The following ZBBX variants were observed in gnomAD, a reference collection of about 807,000 sequenced individuals.
The protein encoded by ZBBX is zinc finger B-box domain-containing protein 1.
In ZBBX, 101 loss-of-function variants were observed where a neutral mutation model predicts 108.5. The observed-to-expected ratio is 0.93, with a 90% CI of 0.79 to 1.10. The LOEUF (loss-of-function observed/expected upper bound fraction) is 1.10. Among genes scored for constraint, ZBBX ranks in the 50% least tolerant of loss-of-function variants. The pLI is 0.00. For synonymous variants in ZBBX, 356 were observed against 323.4 expected (o/e 1.10, Z -1.08); for missense variants, 1,009 against 941.4 (o/e 1.07, Z -0.94).
intron 10 of ZBBX, among the ~76,000 whole-genome samples, chr3:167,332,458 T>G (rs995931013): frequency 6.6e-6 from 1 of 152,200 alleles, no homozygotes; most frequent in Admixed American, 6.5e-5. Flanking sequence ...ACAGCATGCA[T>G]AGTTACCTAT....
chr3:167,325,241 T>C (rs1231620210), intron 11 of ZBBX, among the ~76,000 whole-genome samples: 1 of 152,068 alleles, frequency 6.6e-6, no homozygotes, highest in African/African-American at 2.4e-5. Flanking sequence ...TACCCGAGAC[T>C]GGGTCATTTA....
chr3:167,280,220 A>T (rs2108516210), intron 20 of ZBBX, among the ~76,000 whole-genome samples: 1 of 152,236 alleles, frequency 6.6e-6, no homozygotes, highest in Middle Eastern at 3.4e-3. Flanking sequence ...ACCAAAAGCA[A>T]TGGCAACAAC....
chr3:167,322,229 CCAA>C lies in ZBBX; in HGVS notation c.868_870del (p.Leu290del), dbSNP rs1736566740. On this transcript the variant is annotated inframe_deletion, in exon 12 of 22. Transcript: ENST00000675490. ...AGATTAGTCTGTACTTCGCATTCTT[CCAA>C]TGAGTCTGTAAAAATAAACACAATG... 1 of 1,453,900 alleles carries C rather than the reference CCAA, an allele frequency of 6.9e-7. No individual in the cohort carries two copies. The highest frequency in any genetic ancestry group is 9.1e-7 in the Non-Finnish European group (1 of 1,103,056). 90.1% of individuals were successfully genotyped at this position (1,453,900 alleles called of 1,614,324 possible). A position where few individuals can be genotyped will look rare whatever the true frequency, so the allele number is the denominator to read the frequency against.
rs1553820632 is a variant in ZBBX, at chr3:167,330,865, G to GAAGAAGA, written c.688-2750_688-2749insTCTTCTT. Among the ~76,000 whole-genome samples the GAAGAAGA allele has an allele frequency of 6.3e-3, 138 of 21,838 alleles. 1 individual carries two copies. Among genetic ancestry groups the GAAGAAGA allele is most frequent in the African/African-American group, 0.018 (130 of 7,284 alleles). 14.3% of individuals were successfully genotyped at this position (21,838 alleles called of 152,430 possible). On this transcript the variant is annotated intron_variant, in intron 10 of 21. Transcript: ENST00000675490. ...GGAAGAGGAGGAGGAGGAGGAGGAG[G>GAAGAAGA]AGGAGGAGAAGAAGAAGAAGAAGAA... is the stretch of plus-strand genomic sequence containing the variant.
At chr3:167,348,261 G>GGAA (rs1741869308) in intron 9 of ZBBX, among the ~76,000 whole-genome samples, 1 of 74,684 alleles carries the variant, frequency 1.3e-5, no homozygotes, top group African/African-American at 5.2e-5. Flanking sequence ...GAGGGTGGAA[G>GGAA]GGAAGGAAGG....
At chr3:167,303,848 C>A (rs138992565) in intron 17 of ZBBX, among the ~76,000 whole-genome samples, 76 of 152,068 alleles carry the variant, frequency 5.0e-4, no homozygotes, top group African/African-American at 1.7e-3. Context: ...AGTCATAATG[C>A]GAATTTGTTT....
upstream of ZBBX, among the ~76,000 whole-genome samples, chr3:167,381,976 A>C (rs1181806655): frequency 6.6e-6 from 1 of 152,240 alleles, no homozygotes; most frequent in African/African-American, 2.4e-5. Flanking sequence ...AGGAAGAAAC[A>C]GTCCAGAGAG....
chr3:167,270,086 A>G (rs1726259819), intron 20 of ZBBX, among the ~76,000 whole-genome samples: 1 of 152,232 alleles, frequency 6.6e-6, no homozygotes, highest in Non-Finnish European at 1.5e-5. Flanking sequence ...ATATCCTCAT[A>G]TCAGGAGAGG....
intron 9 of ZBBX, among the ~76,000 whole-genome samples, chr3:167,340,560 C>T (rs945014992): frequency 2.6e-5 from 4 of 151,822 alleles, no homozygotes; most frequent in African/African-American, 9.7e-5. Context: ...CTTATGGGTC[C>T]TTCTTTATAG....
intron 20 of ZBBX, among the ~76,000 whole-genome samples, chr3:167,277,578 G>A (rs1266956263): frequency 6.6e-6 from 1 of 152,130 alleles, no homozygotes; most frequent in Non-Finnish European, 1.5e-5. Flanking sequence ...ACCCAATACA[G>A]GAGCAAGCAG....
At chr3:167,225,753 C>T in the ZBBX span, among the ~76,000 whole-genome samples, 19 of 151,840 alleles carry the variant, frequency 1.3e-4, no homozygotes, top group East Asian at 3.5e-3. Flanking sequence ...GAGTAACTTT[C>T]GATGCTACCA....
intron 10 of ZBBX, among the ~76,000 whole-genome samples, chr3:167,329,281 T>C (rs1229962606): frequency 6.6e-6 from 1 of 152,218 alleles, no homozygotes; most frequent in Admixed American, 6.5e-5. Context: ...GTGGATTACC[T>C]ACACTGGTCA....
At chr3:167,344,619 G>A (rs1035087937) in intron 9 of ZBBX, among the ~76,000 whole-genome samples, 36 of 151,678 alleles carry the variant, frequency 2.4e-4, no homozygotes, top group African/African-American at 8.7e-4. Flanking sequence ...CAGCAGGACA[G>A]CATCAGCTGT....
chr3:167,290,718 A>G (rs1322711514), intron 18 of ZBBX, among the ~76,000 whole-genome samples: 2 of 152,158 alleles, frequency 1.3e-5, no homozygotes, highest in African/African-American at 4.8e-5. Context: ...TGACGAATTG[A>G]CAGAAGTAGG....
At chr3:167,223,570 T>C in the ZBBX span, among the ~76,000 whole-genome samples, 1 of 151,910 alleles carries the variant, frequency 6.6e-6, no homozygotes, top group Non-Finnish European at 1.5e-5. Context: ...ATAAAATCAT[T>C]GAGTTGGGTT....
In ZBBX at chr3:167,239,977, G is replaced by C. The variant is rs374109035; in HGVS notation, c.*816C>G. On this transcript the variant is annotated 3_prime_UTR_variant, in exon 22 of 22. Transcript: ENST00000675490. ...AGCAAAGAGAAGTCCTGAGCAAAAG[G>C]GGGGACAGCCCCTTATAAAACCATC... Among the ~76,000 whole-genome samples, 22 of 152,132 alleles carry C rather than the reference G, an allele frequency of 1.4e-4. No individual in the cohort carries two copies. Among genetic ancestry groups the C allele is most frequent in the African/African-American group, 4.8e-4 (20 of 41,528 alleles).
Position 167,350,409 on chromosome 3 carries a change from G to C in ZBBX, c.528+11C>G. ...AACACACTACAAGTAAATCATTTTA[G>C]AAAGCCATACCTGCAAAAGAGTTGT... On this transcript the variant is annotated intron_variant, in intron 9 of 21. Transcript: ENST00000675490. The C allele has an allele frequency of 6.4e-7, 1 of 1,570,300 alleles. No homozygotes were observed. Among genetic ancestry groups the C allele is most frequent in the Non-Finnish European group, 8.6e-7 (1 of 1,156,378 alleles).
chr3:167,270,961 A>G (rs1726415634), intron 20 of ZBBX, among the ~76,000 whole-genome samples: 1 of 152,232 alleles, frequency 6.6e-6, no homozygotes, highest in South Asian at 2.1e-4. Flanking sequence ...AAACAGGATG[A>G]CACTTATTCA....
chr3:167,230,218 G>A, the ZBBX span, among the ~76,000 whole-genome samples: 5 of 151,802 alleles, frequency 3.3e-5, no homozygotes, highest in Non-Finnish European at 2.9e-5. Flanking sequence ...CTCAACATAT[G>A]ATATGGAAGT....
Sources: allele counts gnomAD v4.1 joint callset (sites outside exome capture counted in the v4.1 genomes callset), GRCh38; gene constraint gnomAD v4.1.1; transcripts MANE v1.5; gene names NCBI Gene and HGNC (gene_info 2026-07-23, HGNC 2026-07-21).